The following RBMS1 variants were observed in gnomAD, a reference collection of about 807,000 sequenced individuals.
RBMS1 encodes the protein RNA-binding motif, single-stranded-interacting protein 1.
RBMS1 carries 17 observed loss-of-function variants against 62.3 expected under a neutral mutation model. That is an observed-to-expected ratio of 0.27 (90% CI 0.19 to 0.41). The LOEUF (loss-of-function observed/expected upper bound fraction) is 0.41. Among genes scored for constraint, RBMS1 ranks in the 10% least tolerant of loss-of-function variants. The pLI is 1.00. For synonymous variants in RBMS1, 172 were observed against 170.0 expected (o/e 1.01, Z -0.09); for missense variants, 334 against 504.5 (o/e 0.66, Z 3.24).
intron 1 of RBMS1, among the ~76,000 whole-genome samples, chr2:160,371,790 A>C (rs1693738428): frequency 1.3e-5 from 2 of 152,134 alleles, no homozygotes; most frequent in African/African-American, 4.8e-5. Flanking sequence ...TATGGATAGC[A>C]ATCAGGGAGC....
intron 1 of RBMS1, among the ~76,000 whole-genome samples, chr2:160,486,624 C>G (rs1027802193): frequency 6.6e-6 from 1 of 152,266 alleles, no homozygotes; most frequent in Admixed American, 6.5e-5. Flanking sequence ...GACAACAGGA[C>G]TCCTGAAGCA....
At chr2:160,297,488 T>A (rs1210583764) in intron 6 of RBMS1, among the ~76,000 whole-genome samples, 1 of 152,186 alleles carries the variant, frequency 6.6e-6, no homozygotes, top group East Asian at 1.9e-4. Flanking sequence ...TCAAAAGTTG[T>A]GGTGGGCATG....
At chr2:160,396,709 C>T (rs1695160839) in intron 1 of RBMS1, among the ~76,000 whole-genome samples, 1 of 151,968 alleles carries the variant, frequency 6.6e-6, no homozygotes, top group South Asian at 2.1e-4. Context: ...GGGATACAGG[C>T]AGGCGCCACC....
At chr2:160,382,068 T>C (rs980335600) in intron 1 of RBMS1, among the ~76,000 whole-genome samples, 2 of 152,146 alleles carry the variant, frequency 1.3e-5, no homozygotes, top group Non-Finnish European at 2.9e-5. Context: ...TCCCACCCTA[T>C]GTCTTAGAGC....
intron 2 of RBMS1, among the ~76,000 whole-genome samples, chr2:160,342,260 G>A (rs1471854245): frequency 2.6e-5 from 4 of 152,152 alleles, no homozygotes; most frequent in Admixed American, 2.6e-4. Flanking sequence ...ACTGAAAGAT[G>A]TAACACATGT....
intron 1 of RBMS1, among the ~76,000 whole-genome samples, chr2:160,464,381 A>G (rs1271363819): frequency 6.6e-6 from 1 of 152,264 alleles, no homozygotes; most frequent in Non-Finnish European, 1.5e-5. Flanking sequence ...AAGGATACAT[A>G]GATTGTGACA....
intron 1 of RBMS1, among the ~76,000 whole-genome samples, chr2:160,435,958 AT>A (rs1160067988): frequency 6.6e-6 from 1 of 152,214 alleles, no homozygotes. Flanking sequence ...GCATTACAGG[AT>A]TCATCAAGTC....
intron 1 of RBMS1, among the ~76,000 whole-genome samples, chr2:160,431,101 T>A (rs1195469353): frequency 6.8e-6 from 1 of 146,258 alleles, no homozygotes; most frequent in Non-Finnish European, 1.5e-5. Flanking sequence ...GGTCTCAGAA[T>A]CCAAGAATGG....
chr2:160,337,082 G>C (rs1300242768), intron 2 of RBMS1, among the ~76,000 whole-genome samples: 3 of 151,962 alleles, frequency 2.0e-5, no homozygotes, highest in Admixed American at 2.0e-4. Flanking sequence ...TGAATAGCAA[G>C]GCATACTTGA....
chr2:160,487,952 A>G (rs183396608), intron 1 of RBMS1, among the ~76,000 whole-genome samples: 2 of 152,306 alleles, frequency 1.3e-5, no homozygotes, highest in Admixed American at 1.3e-4. Flanking sequence ...AAATATTCAC[A>G]TAATTTTGTT....
At chr2:160,311,242 A>ATATATATATATC (rs1559361578) in intron 4 of RBMS1, among the ~76,000 whole-genome samples, 3 of 123,658 alleles carry the variant, frequency 2.4e-5, no homozygotes, top group African/African-American at 8.2e-5. Flanking sequence ...CTATATATAT[A>ATATATATATATC]TATATATATA....
intron 1 of RBMS1, chr2:160,407,539 G>GGGC (rs1037014283): frequency 2.0e-5 from 20 of 985,920 alleles, no homozygotes; most frequent in South Asian, 1.8e-4. Context: ...TCATCGCTGC[G>GGGC]GGCGGCGGCG....
intron 2 of RBMS1, among the ~76,000 whole-genome samples, chr2:160,328,931 C>T (rs1277699260): frequency 1.3e-5 from 2 of 152,116 alleles, no homozygotes; most frequent in Non-Finnish European, 1.5e-5. Flanking sequence ...GCATGACAGA[C>T]AGTAAAAGTA....
chr2:160,461,460 G>A (rs965636270), intron 1 of RBMS1, among the ~76,000 whole-genome samples: 2 of 152,210 alleles, frequency 1.3e-5, no homozygotes, highest in Admixed American at 1.3e-4. Context: ...AGTAAGTGGA[G>A]GGACAGGAAT....
At chr2:160,351,198 GA>G (rs1373250402) in intron 2 of RBMS1, among the ~76,000 whole-genome samples, 9 of 137,632 alleles carry the variant, frequency 6.5e-5, no homozygotes, top group African/African-American at 2.1e-4. Flanking sequence ...AGGGGGGAGG[GA>G]ATAGCATTAG....
intron 1 of RBMS1, among the ~76,000 whole-genome samples, chr2:160,429,485 A>T (rs895861032): frequency 4.6e-5 from 7 of 152,242 alleles, no homozygotes; most frequent in Admixed American, 1.3e-4. Context: ...CGTAAAGTGC[A>T]TTTAACCTCT....
intron 1 of RBMS1, among the ~76,000 whole-genome samples, chr2:160,440,020 G>A (rs1329629904): frequency 6.7e-6 from 1 of 149,692 alleles, no homozygotes; most frequent in African/African-American, 2.5e-5. Flanking sequence ...GTCCAGCTTC[G>A]GCTCGGCATC....
intron 4 of RBMS1, among the ~76,000 whole-genome samples, chr2:160,309,226 C>T (rs139603450): frequency 1.3e-5 from 2 of 152,242 alleles, no homozygotes; most frequent in Admixed American, 6.5e-5. Context: ...AACGCTGAAG[C>T]GTTCCAAGTC....
intron 6 of RBMS1, among the ~76,000 whole-genome samples, chr2:160,296,213 T>C (rs574364503): frequency 8.5e-5 from 13 of 152,286 alleles, no homozygotes; most frequent in South Asian, 4.1e-4. Flanking sequence ...CTGATGTTGA[T>C]GGGAAAACAA....
Sources: gnomAD v4.1 joint callset for allele counts (sites outside exome capture counted in the v4.1 genomes callset) on GRCh38, gnomAD v4.1.1 for gene constraint, MANE v1.5 for transcripts, NCBI Gene and HGNC (gene_info 2026-07-23, HGNC 2026-07-21) for gene names.